ZNF418: variants seen among roughly 807,000 people sequenced by gnomAD.
The protein encoded by ZNF418 is zinc finger protein 418.
Under a neutral mutation model 32.0 loss-of-function variants are expected in ZNF418, and 32 were observed. The observed-to-expected ratio is 1.00, with a 90% confidence interval of 0.75 to 1.34. The LOEUF is 1.34. Among genes scored for constraint, ZNF418 ranks in the 40% most tolerant of loss-of-function variants. The pLI is 0.00. For missense variants in ZNF418, 804 were observed against 812.5 expected, an observed-to-expected ratio of 0.99 and a Z score of 0.13; for synonymous variants, 276 against 270.7, an observed-to-expected ratio of 1.02 and a Z score of -0.19.
chr19:57,928,138 C>T, intron 3 of ZNF418, 91 bp from the exon 4 acceptor site: 3 of 1,101,480 alleles, frequency 2.7e-6, no homozygotes, highest in East Asian at 2.4e-5. Flanking sequence ...CAAGGAATTA[C>T]TCCATGGAAA....
At position 57,926,276 on chromosome 19, in the gene ZNF418, A is replaced by C. The variant is rs376611986; in HGVS notation, c.1905T>G (p.Thr635=). The change falls in exon 4 of 6, where the codon ACT becomes ACG. Residue 635 remains threonine, a synonymous_variant. Transcript: ENST00000396147. The stretch of plus-strand genomic sequence containing the variant: ...CTCCAGTGTGTACTCTCCTGTGTTC[A>C]GTAAGACTGAAGGTTTCAGCAAAGG... ...GKSFAETFSL[T]EHRRVHTGER... is the part of the protein sequence containing the mutation. 7 of 1,605,350 alleles carry C rather than the reference A, an allele frequency of 4.4e-6. No homozygotes were observed. The African/African-American group carries it at 6.7e-5, about 15-fold the overall frequency.
At chr19:57,933,274 A>T (rs1453580694) in intron 2 of ZNF418, among the ~76,000 whole-genome samples, 1 of 152,178 alleles carries the variant, frequency 6.6e-6, no homozygotes, top group East Asian at 1.9e-4. Context: ...ATGCCCTCAC[A>T]GTCTATTAGA....
Position 57,930,410 on chromosome 19 carries a change from A to C in ZNF418, c.133+18T>G, listed in dbSNP as rs777077479. ...CAGAGATCTATTCAGGAAATAGGGTAGGGTGTGAGGAACTTACCCAGGGAG... is the reference window on the plus strand; with the variant it reads ...CAGAGATCTATTCAGGAAATAGGGTCGGGTGTGAGGAACTTACCCAGGGAG... On this transcript the variant is annotated intron_variant, in intron 3 of 5. Transcript: ENST00000396147. The C allele has an allele frequency of 6.2e-7, 1 of 1,613,858 alleles. No individual in the cohort carries two copies. Among genetic ancestry groups the C allele is most frequent in the African/African-American group, 1.3e-5 (1 of 74,910 alleles).
chr19:57,932,564 A>G, intron 2 of ZNF418: 1 of 1,533,896 alleles, frequency 6.5e-7, no homozygotes, highest in Non-Finnish European at 8.7e-7. Context: ...TCTGTGTTGC[A>G]CTTGGTGACC....
At chr19:57,934,171 A>G in intron 1 of ZNF418, 3 of 1,214,420 alleles carry the variant, frequency 2.5e-6, no homozygotes, top group Non-Finnish European at 3.1e-6. Flanking sequence ...AAGCTAGAGA[A>G]CATGTGAATG....
In ZNF418 at chr19:57,927,686, T is replaced by C; in HGVS notation, c.495A>G (p.Gly165=). 1 of 1,614,222 alleles carries C rather than the reference T, an allele frequency of 6.2e-7. No homozygotes were observed. Residue 165 remains glycine, a synonymous_variant, in exon 4 of 6, where the codon GGA becomes GGG. Coordinates refer to ENST00000396147, the MANE Select transcript of ZNF418 (RefSeq NM_133460.3). The stretch of plus-strand genomic sequence containing the variant: ...ATCCTGAGCTGGGCAAAAAGTCCTT[T>C]CCACTCTGAATGAAGATAGATGACT... The part of the protein sequence containing the change: ...SEESSIFIQS[G]KDFLPSSGLL...
In ZNF418 at chr19:57,933,825, T is replaced by G. The variant is rs566611521; in HGVS notation, c.-3A>C. The G allele has an allele frequency of 4.3e-6, 7 of 1,614,130 alleles. No individual in the cohort carries two copies. Among genetic ancestry groups the G allele is most frequent in the Non-Finnish European group, 5.9e-6 (7 of 1,180,000 alleles). Reference sequence around the variant, plus strand: ...GGTCCAGTAACCCTCACCTGCATTATGGCAGGAGTTTAAACTCTGATCCTC... The same window carrying G: ...GGTCCAGTAACCCTCACCTGCATTAGGGCAGGAGTTTAAACTCTGATCCTC... On this transcript the variant is annotated 5_prime_UTR_variant, in exon 2 of 6. Transcript: ENST00000396147.
chr19:57,934,291 C>T (rs1222124938), intron 1 of ZNF418: 5 of 900,124 alleles, frequency 5.6e-6, no homozygotes, highest in African/African-American at 3.6e-5. Flanking sequence ...AATGGCTCAC[C>T]GCAACCTCTG....
At chr19:57,928,198 T>A in intron 3 of ZNF418, 151 bp from the exon 4 acceptor site, 1 of 658,526 alleles carries the variant, frequency 1.5e-6, no homozygotes, top group Non-Finnish European at 2.6e-6. Flanking sequence ...AGGCTATCAT[T>A]ACTGGGCTAT....
At position 57,926,790 on chromosome 19, in the gene ZNF418, CTAAA is replaced by C. The variant is rs773813313; in HGVS notation, c.1387_1390del (p.Phe463GlyfsTer223). On this transcript the variant is annotated frameshift_variant, in exon 4 of 6. Coordinates refer to ENST00000396147, the MANE Select transcript of ZNF418 (RefSeq NM_133460.3). LOFTEE classifies it low-confidence loss of function (END_TRUNC). ...GTGTTCAATGAGGTGGGACTTGCCC[CTAAA>C]TAATTTCCTACACTCTCTACACTCA... The C allele has an allele frequency of 2.5e-6, 4 of 1,613,788 alleles. No individual in the cohort carries two copies. Among genetic ancestry groups the C allele is most frequent in the Non-Finnish European group, 3.4e-6 (4 of 1,179,924 alleles).
At chr19:57,933,538 C>T (rs1568554074) in intron 2 of ZNF418, among the ~76,000 whole-genome samples, 2 of 152,278 alleles carry the variant, frequency 1.3e-5, no homozygotes, top group South Asian at 4.1e-4. Context: ...CTGGCTAACA[C>T]AGTGAAACCG....
At position 57,927,631 on chromosome 19, in the gene ZNF418, C is replaced by T. The variant is rs2072299967; in HGVS notation, c.550G>A (p.Glu184Lys). 2 of 1,613,834 alleles carry T rather than the reference C, an allele frequency of 1.2e-6. No individual in the cohort carries two copies. The change falls in exon 4 of 6, where the codon GAG (glutamate) becomes AAG (lysine). Residue 184 changes from glutamate (E) to lysine (K), a missense_variant. Coordinates refer to ENST00000396147, the MANE Select transcript of ZNF418 (RefSeq NM_133460.3). ...LLLQEATHTG[E>K]KSNSKPECES... is the part of the protein sequence containing the mutation. Reference sequence around the variant, plus strand: ...CACTCAGGTTTGCTGTTTGACTTCTCCCCAGTGTGAGTGGCCTCCTGCAGC... The same window carrying T: ...CACTCAGGTTTGCTGTTTGACTTCTTCCCAGTGTGAGTGGCCTCCTGCAGC...
Position 57,926,061 on chromosome 19 carries a change from T to G in ZNF418, c.*89A>C. ...TTCTGCATAAAGAATATCCCACGTT[T>G]GTCACACTCATAAGGTCCTGATCCA... On this transcript the variant is annotated 3_prime_UTR_variant, in exon 4 of 6. Transcript: ENST00000396147. The G allele has an allele frequency of 8.9e-7, 1 of 1,120,068 alleles. No homozygotes were observed. The allele number at this position is 1,120,068 out of a possible 1,614,324, so 69.4% of individuals were successfully genotyped here. A position where few individuals can be genotyped will look rare whatever the true frequency, so the allele number is the denominator to read the frequency against.
At position 57,926,501 on chromosome 19, in the gene ZNF418, G is replaced by A. The variant is rs1378533109; in HGVS notation, c.1680C>T (p.His560=). The A allele has an allele frequency of 2.5e-6, 4 of 1,613,766 alleles. No individual in the cohort carries two copies. The East Asian group carries it at 8.9e-5, about 36-fold the overall frequency. ...TGCACTCATAAGGTCTTTCTGCAGTGTGAGTTTTCTGATGTCGAAGGAGGG... is the reference window on the plus strand; with the variant it reads ...TGCACTCATAAGGTCTTTCTGCAGTATGAGTTTTCTGATGTCGAAGGAGGG... ...SSSLLRHQKT[H]TAERPYECRE... is the part of the protein sequence containing the mutation. The change falls in exon 4 of 6, where the codon CAC becomes CAT. Residue 560 remains histidine, a synonymous_variant. Transcript: ENST00000396147.
At position 57,926,602 on chromosome 19, in the gene ZNF418, G is replaced by A. The variant is rs201554779; in HGVS notation, c.1579C>T (p.Arg527Ter). 1.1e-4 allele frequency: 181 copies of A among 1,613,830 alleles called. No homozygotes were observed. In the African/African-American group the frequency reaches 1.5e-3, roughly 14 times the overall value. ...KSFPQSCSLL[R>*]HRRVHTGERP... ...TCTCCAGTATGAACTCTCCGATGTC[G>A]AAGGAGGGAACAGCTTTGAGGAAAT... Residue 527 changes from arginine (R) to a stop codon, truncating the protein, a stop_gained, in exon 4 of 6, where the codon CGA becomes TGA. Transcript: ENST00000396147. LOFTEE classifies it low-confidence loss of function (END_TRUNC).
intron 4 of ZNF418, among the ~76,000 whole-genome samples, chr19:57,925,271 T>C (rs994976656): frequency 1.3e-5 from 2 of 152,002 alleles, no homozygotes; most frequent in African/African-American, 2.4e-5. Context: ...CCATCCTGGC[T>C]AACACGGAGA....
chr19:57,930,460 A>G lies in ZNF418; in HGVS notation c.101T>C (p.Met34Thr). ...EVQRCLYHDV[M>T]LENWVLISSL... ...GGATATAAGTACCCAGTTCTCCAGC[A>G]TCACGTCATGGTAAAGGCATCTCTG... Residue 34 changes from methionine to threonine, a missense_variant, in exon 3 of 6, where the codon ATG (methionine) becomes ACG (threonine). Met to Thr is a moderately conservative substitution (Grantham distance 81). Coordinates refer to ENST00000396147, the MANE Select transcript of ZNF418 (RefSeq NM_133460.3). 1 of 1,614,208 alleles carries G rather than the reference A, an allele frequency of 6.2e-7. No homozygotes were observed. Among genetic ancestry groups the G allele is most frequent in the Non-Finnish European group, 8.5e-7 (1 of 1,180,030 alleles).
intron 3 of ZNF418, 63 bp from the exon 4 acceptor site, chr19:57,928,110 C>G: frequency 7.3e-7 from 1 of 1,370,000 alleles, no homozygotes; most frequent in East Asian, 2.3e-5. Context: ...AGCCCACCCA[C>G]AAGCGTGTCT....
At chr19:57,932,348 C>G in intron 2 of ZNF418, 1 of 1,348,516 alleles carries the variant, frequency 7.4e-7, no homozygotes, top group Non-Finnish European at 1.0e-6. Context: ...TCACATTGGC[C>G]TTTCATTTTC....
Sources: allele counts gnomAD v4.1 joint callset (sites outside exome capture counted in the v4.1 genomes callset), GRCh38; gene constraint gnomAD v4.1.1; transcripts MANE v1.5; gene names NCBI Gene and HGNC (gene_info 2026-07-23, HGNC 2026-07-21).